Variants in ADGRL2 observed in about 807,000 individuals in gnomAD.
ADGRL2 encodes the protein calcium-independent alpha-latrotoxin receptor 2.
A neutral mutation model predicts 157.4 loss-of-function variants in ADGRL2; 44 were observed. The ratio of observed to expected loss-of-function variants is 0.28; its 90% CI spans 0.22 to 0.36. The LOEUF is 0.36. Among genes scored for constraint, ADGRL2 ranks in the 10% least tolerant of loss-of-function variants. The pLI is 1.00. For synonymous variants in ADGRL2, 585 were observed against 624.7 expected (o/e 0.94, Z 0.95); for missense variants, 1,510 against 1,768.9 (o/e 0.85, Z 2.63).
intron 3 of ADGRL2, among the ~76,000 whole-genome samples, chr1:81,624,305 G>A (rs567789619): frequency 1.1e-4 from 16 of 152,192 alleles, no homozygotes; most frequent in Non-Finnish European, 1.9e-4. Context: ...ATCTGGCCGG[G>A]TGCGGTGGCT....
At chr1:81,525,013 G>A (rs1045700298) in intron 2 of ADGRL2, among the ~76,000 whole-genome samples, 1 of 152,176 alleles carries the variant, frequency 6.6e-6, no homozygotes, top group Non-Finnish European at 1.5e-5. Flanking sequence ...ACATTGGGTG[G>A]TTAGGGGACA....
At chr1:81,308,889 T>C (rs1185019467) in intron 1 of ADGRL2, among the ~76,000 whole-genome samples, 1 of 152,138 alleles carries the variant, frequency 6.6e-6, no homozygotes, top group Non-Finnish European at 1.5e-5. Context: ...CAAGCAACTG[T>C]TCAAGACAAG....
intron 2 of ADGRL2, among the ~76,000 whole-genome samples, chr1:81,577,431 T>C (rs2148522117): frequency 6.6e-6 from 1 of 152,316 alleles, no homozygotes; most frequent in Middle Eastern, 3.4e-3. Flanking sequence ...TCAGACAATA[T>C]GACATTGCTG....
At chr1:81,317,720 A>T (rs573495642) in intron 1 of ADGRL2, among the ~76,000 whole-genome samples, 11 of 152,324 alleles carry the variant, frequency 7.2e-5, no homozygotes, top group African/African-American at 2.6e-4. Context: ...CTGAAAATAT[A>T]ACTGTTCTTA....
At chr1:81,417,098 A>AT (rs2077046030) in intron 1 of ADGRL2, among the ~76,000 whole-genome samples, 1 of 152,064 alleles carries the variant, frequency 6.6e-6, no homozygotes, top group Admixed American at 6.5e-5. Context: ...TTACTTTATT[A>AT]TTTTTCTATA....
intron 1 of ADGRL2, chr1:81,722,089 G>A (rs1432322551): frequency 1.1e-5 from 4 of 376,032 alleles, no homozygotes; most frequent in Non-Finnish European, 2.0e-5. Context: ...TCAGGAGATC[G>A]AGACCATCCT....
chr1:81,397,059 C>T (rs796094409), intron 1 of ADGRL2, among the ~76,000 whole-genome samples: 105 of 152,236 alleles, frequency 6.9e-4, no homozygotes, highest in African/African-American at 2.4e-3. Flanking sequence ...GGTATTCATT[C>T]TCCTTTAAAT....
intron 1 of ADGRL2, among the ~76,000 whole-genome samples, chr1:81,442,336 A>T (rs992599481): frequency 1.3e-5 from 2 of 152,210 alleles, no homozygotes; most frequent in African/African-American, 4.8e-5. Flanking sequence ...TCCTACAAAG[A>T]TGAGCTTTTT....
intron 6 of ADGRL2, among the ~76,000 whole-genome samples, chr1:81,949,716 G>T (rs1651128721): frequency 6.6e-6 from 1 of 152,120 alleles, no homozygotes; most frequent in Admixed American, 6.5e-5. Context: ...TTATTTTCTT[G>T]CAATATGTAA....
intron 1 of ADGRL2, among the ~76,000 whole-genome samples, chr1:81,331,610 C>A (rs1661272940): frequency 6.6e-6 from 1 of 152,078 alleles, no homozygotes; most frequent in Admixed American, 6.6e-5. Context: ...AAGGAAAGGT[C>A]AGGTATTGTG....
chr1:81,468,530 AC>A (rs1308342494), intron 2 of ADGRL2, among the ~76,000 whole-genome samples: 1 of 152,170 alleles, frequency 6.6e-6, no homozygotes, highest in Non-Finnish European at 1.5e-5. Flanking sequence ...ATGAATACAA[AC>A]CATGTTTTTT....
At chr1:81,760,920 T>C (rs1173343133) in intron 1 of ADGRL2, among the ~76,000 whole-genome samples, 1 of 151,950 alleles carries the variant, frequency 6.6e-6, no homozygotes, top group Non-Finnish European at 1.5e-5. Context: ...AATAATTTCC[T>C]TAAACTATTG....
chr1:81,620,089 G>T (rs754888148), intron 3 of ADGRL2, among the ~76,000 whole-genome samples: 1 of 152,144 alleles, frequency 6.6e-6, no homozygotes, highest in Non-Finnish European at 1.5e-5. Context: ...AGGCTCAGAG[G>T]GCTGAGATCT....
intron 1 of ADGRL2, among the ~76,000 whole-genome samples, chr1:81,719,717 T>C (rs899099927): frequency 6.6e-6 from 1 of 152,182 alleles, no homozygotes; most frequent in Admixed American, 6.5e-5. Context: ...GTGCATCATA[T>C]ATCATCCCTT....
intron 1 of ADGRL2, among the ~76,000 whole-genome samples, chr1:81,713,912 GA>G (rs1393627689): frequency 1.3e-5 from 2 of 151,986 alleles, no homozygotes; most frequent in African/African-American, 2.4e-5. Context: ...AATTTATAAA[GA>G]AAAAAAGGTT....
intron 1 of ADGRL2, among the ~76,000 whole-genome samples, chr1:81,398,863 C>A (rs1039074863): frequency 1.3e-5 from 2 of 152,148 alleles, no homozygotes; most frequent in African/African-American, 2.4e-5. Flanking sequence ...GACAACTTGA[C>A]TATAATATGC....
chr1:81,765,792 T>C (rs1413880072), intron 2 of ADGRL2, among the ~76,000 whole-genome samples: 1 of 152,126 alleles, frequency 6.6e-6, no homozygotes, highest in Non-Finnish European at 1.5e-5. Context: ...TATTACCTTA[T>C]TTCATTAAGG....
At chr1:81,412,097 A>G (rs1441907832) in intron 1 of ADGRL2, among the ~76,000 whole-genome samples, 1 of 152,130 alleles carries the variant, frequency 6.6e-6, no homozygotes, top group Non-Finnish European at 1.5e-5. Context: ...AATTCACATA[A>G]TACTCACTAT....
intron 2 of ADGRL2, among the ~76,000 whole-genome samples, chr1:81,461,739 T>C (rs1017229048): frequency 6.6e-6 from 1 of 152,140 alleles, no homozygotes; most frequent in Non-Finnish European, 1.5e-5. Context: ...TAATTCATCA[T>C]TCAAAATCTC....
Sources: allele counts gnomAD v4.1 joint callset (sites outside exome capture counted in the v4.1 genomes callset), GRCh38; gene constraint gnomAD v4.1.1; transcripts MANE v1.5; gene names NCBI Gene and HGNC (gene_info 2026-07-23, HGNC 2026-07-21).